SLCO1B3: variants seen among roughly 807,000 people sequenced by gnomAD.
The protein encoded by SLCO1B3 is solute carrier organic anion transporter family member 1B3.
A neutral mutation model predicts 71.8 loss-of-function variants in SLCO1B3; 72 were observed. That is an observed-to-expected ratio of 1.00 (90% CI 0.83 to 1.22). SLCO1B3 has a LOEUF of 1.22. Among genes scored for constraint, SLCO1B3 ranks in the 50% most tolerant of loss-of-function variants. The pLI is 0.00. For synonymous variants in SLCO1B3, 298 were observed against 278.4 expected (o/e 1.07, Z -0.70); for missense variants, 911 against 819.7 (o/e 1.11, Z -1.36).
intron 3 of SLCO1B3, among the ~76,000 whole-genome samples, chr12:20,829,983 A>G (rs377265281): frequency 6.6e-6 from 1 of 152,268 alleles, no homozygotes; most frequent in Non-Finnish European, 1.5e-5. Context: ...TTTATCAGCA[A>G]GGTCTTTGTG....
At chr12:20,827,552 G>C (rs1463315067) in intron 3 of SLCO1B3, among the ~76,000 whole-genome samples, 1 of 141,804 alleles carries the variant, frequency 7.1e-6, no homozygotes, top group Non-Finnish European at 1.5e-5. Flanking sequence ...TTCCAATTTA[G>C]ATATTTCAGA....
intron 15 of SLCO1B3, among the ~76,000 whole-genome samples, chr12:20,903,286 A>G (rs540928698): frequency 1.3e-5 from 2 of 152,296 alleles, no homozygotes; most frequent in African/African-American, 2.4e-5. Flanking sequence ...TCCACAAAAA[A>G]ACCTGTACTT....
At chr12:20,848,197 G>A (rs533854576) in intron 3 of SLCO1B3, among the ~76,000 whole-genome samples, 1 of 152,272 alleles carries the variant, frequency 6.6e-6, no homozygotes, top group South Asian at 2.1e-4. Flanking sequence ...ATACCTTACT[G>A]ATGGGCATAT....
chr12:20,862,984 A>C, intron 8 of SLCO1B3, 130 bp downstream of exon 8: 1 of 480,520 alleles, frequency 2.1e-6, no homozygotes, highest in Non-Finnish European at 3.7e-6. Context: ...AGTAGGAAAT[A>C]AATCCATTAA....
rs1311620263 is a variant in SLCO1B3, at chr12:20,916,097, A to G, written c.1959A>G (p.Gly653=). ...FIFAMKKKFQ[G]KDTKASDNER... is the part of the protein sequence containing the mutation. ...TTGCTATGAAGAAAAAATTTCAAGG[A>G]AAAGATACCAAGGCATCGGACAATG... The change falls in exon 16 of 16, where the codon GGA becomes GGG. Residue 653 remains glycine, a synonymous_variant. Transcript: ENST00000381545. The G allele has an allele frequency of 1.2e-6, 2 of 1,613,300 alleles. No individual in the cohort carries two copies. The highest frequency in any genetic ancestry group is 4.5e-5 in the East Asian group (2 of 44,734).
chr12:20,827,578 T>C (rs1391193498), intron 3 of SLCO1B3, among the ~76,000 whole-genome samples: 1 of 152,124 alleles, frequency 6.6e-6, no homozygotes, highest in Non-Finnish European at 1.5e-5. Context: ...AATTTCTTTT[T>C]TTTTTCTTTT....
At chr12:20,831,356 CAAAAAAAAAA>C (rs35410136) in intron 3 of SLCO1B3, among the ~76,000 whole-genome samples, 3 of 91,212 alleles carry the variant, frequency 3.3e-5, no homozygotes, top group African/African-American at 1.4e-4. Flanking sequence ...GACGCCATAT[CAAAAAAAAAA>C]AAAAAAAAAA....
intron 4 of SLCO1B3, among the ~76,000 whole-genome samples, chr12:20,855,627 T>A (rs138010878): frequency 9.3e-5 from 14 of 150,152 alleles, no homozygotes; most frequent in African/African-American, 2.7e-4. Context: ...ATTCTACTGT[T>A]TAACTGTGTA....
chr12:20,823,322 A>G (rs1864356393), intron 3 of SLCO1B3, among the ~76,000 whole-genome samples: 1 of 152,158 alleles, frequency 6.6e-6, no homozygotes, highest in Non-Finnish European at 1.5e-5. Context: ...AGGAAAATGA[A>G]AGGAAAGGAG....
intron 3 of SLCO1B3, among the ~76,000 whole-genome samples, chr12:20,848,130 C>CT (rs35569891): frequency 0.72 from 110,024 of 151,924 alleles, 42,414 homozygotes; most frequent in South Asian, 0.9. Context: ...ACAAAGAACA[C>CT]TAAAACTCAA....
At chr12:20,820,817 T>C (rs1864286735) in intron 3 of SLCO1B3, among the ~76,000 whole-genome samples, 1 of 152,058 alleles carries the variant, frequency 6.6e-6, no homozygotes, top group Non-Finnish European at 1.5e-5. Flanking sequence ...TTATATTTGA[T>C]GAAAAAGAGC....
chr12:20,907,218 A>C (rs1253651985), intron 15 of SLCO1B3, among the ~76,000 whole-genome samples: 1 of 152,316 alleles, frequency 6.6e-6, no homozygotes, highest in Admixed American at 6.5e-5. Flanking sequence ...TAATTTACTA[A>C]AAGAACTTTC....
At chr12:20,859,953 C>CTTTTTTTTT (rs768328762) in intron 5 of SLCO1B3, among the ~76,000 whole-genome samples, 2 of 118,002 alleles carry the variant, frequency 1.7e-5, no homozygotes, top group African/African-American at 6.3e-5. Context: ...CTGATCATTT[C>CTTTTTTTTT]TTTTTTTTTT....
intron 3 of SLCO1B3, among the ~76,000 whole-genome samples, chr12:20,818,917 A>G (rs370029128): frequency 8.9e-4 from 136 of 152,378 alleles, no homozygotes; most frequent in African/African-American, 3.0e-3. Context: ...GCCAGGAACA[A>G]TGGTAATTGT....
intron 3 of SLCO1B3, among the ~76,000 whole-genome samples, chr12:20,838,756 G>A (rs1460325165): frequency 6.6e-6 from 1 of 151,972 alleles, no homozygotes; most frequent in Admixed American, 6.6e-5. Flanking sequence ...TATCATATAT[G>A]CAGTCCACTG....
chr12:20,852,136 TGC>T (rs1865037782), intron 3 of SLCO1B3, among the ~76,000 whole-genome samples: 1 of 152,180 alleles, frequency 6.6e-6, no homozygotes, highest in Admixed American at 6.5e-5. Context: ...CTACGCAGGG[TGC>T]CTTTGGATTC....
At chr12:20,846,422 A>G (rs1864921568) in intron 3 of SLCO1B3, among the ~76,000 whole-genome samples, 1 of 152,194 alleles carries the variant, frequency 6.6e-6, no homozygotes, top group Admixed American at 6.6e-5. Flanking sequence ...TTGACTTGGA[A>G]TTGCAAACTA....
intron 3 of SLCO1B3, among the ~76,000 whole-genome samples, chr12:20,838,463 A>G (rs1013107016): frequency 6.6e-5 from 10 of 152,036 alleles, no homozygotes; most frequent in African/African-American, 2.4e-4. Context: ...CATTATTAAT[A>G]TACAGTCATG....
chr12:20,905,355 T>G (rs921830316), intron 15 of SLCO1B3, among the ~76,000 whole-genome samples: 1 of 152,210 alleles, frequency 6.6e-6, no homozygotes, highest in African/African-American at 2.4e-5. Flanking sequence ...TCTTTACTTA[T>G]GCAAATTTCT....
Sources: allele counts gnomAD v4.1 joint callset (sites outside exome capture counted in the v4.1 genomes callset), GRCh38; gene constraint gnomAD v4.1.1; transcripts MANE v1.5; gene names NCBI Gene and HGNC (gene_info 2026-07-23, HGNC 2026-07-21).